The following TOX variants were observed in gnomAD, a reference collection of about 807,000 sequenced individuals.
TOX encodes thymocyte selection-associated high mobility group box protein TOX.
Under a neutral mutation model 53.7 loss-of-function variants are expected in TOX, and 11 were observed. The observed-to-expected ratio is 0.20, with a 90% CI of 0.13 to 0.34. The LOEUF (loss-of-function observed/expected upper bound fraction) is 0.34, where lower values mean the gene tolerates loss of function less well. Among genes scored for constraint, TOX ranks in the 10% least tolerant of loss-of-function variants. The pLI is 1.00. For synonymous variants in TOX, 225 were observed against 245.3 expected, an observed-to-expected ratio of 0.92 and a Z score of 0.77; for missense variants, 570 against 664.6, an observed-to-expected ratio of 0.86 and a Z score of 1.56.
chr8:58,879,508 T>C (rs1040471508), intron 3 of TOX, among the ~76,000 whole-genome samples: 13 of 142,526 alleles, frequency 9.1e-5, no homozygotes, highest in African/African-American at 3.1e-4. Context: ...ACTTGGAGAT[T>C]GTGAAGTAAA....
Position 58,913,702 on chromosome 8 carries a change from C to T in TOX, c.411+25600G>A, listed in dbSNP as rs147514807. Among the ~76,000 whole-genome samples the T allele has an allele frequency of 1.8e-3, 278 of 151,774 alleles. 2 individuals carry two copies. The highest frequency in any genetic ancestry group is 6.4e-3 in the African/African-American group (263 of 41,358). On this transcript the variant is annotated intron_variant, in intron 3 of 8. Coordinates refer to ENST00000361421, the MANE Select transcript of TOX (RefSeq NM_014729.3). ...CATTATGCCTTGAAGCTAGTAGATG[C>T]TTAATAAAAATGCCATATTACTCTT... is the stretch of plus-strand genomic sequence containing the variant.
chr8:59,100,872 A>G (rs975601030), intron 1 of TOX, among the ~76,000 whole-genome samples: 2 of 152,206 alleles, frequency 1.3e-5, no homozygotes, highest in Non-Finnish European at 2.9e-5. Context: ...TTTTTGAATG[A>G]TACCTAGTTC....
At chr8:58,992,471 T>C (rs149787281) in intron 1 of TOX, among the ~76,000 whole-genome samples, 4 of 152,374 alleles carry the variant, frequency 2.6e-5, no homozygotes, top group African/African-American at 9.6e-5. Flanking sequence ...ATGCACGTTT[T>C]AGGTGCCCAA....
chr8:59,093,644 A>T (rs542631911), intron 1 of TOX, among the ~76,000 whole-genome samples: 19 of 152,340 alleles, frequency 1.2e-4, no homozygotes, highest in Non-Finnish European at 1.5e-4. Flanking sequence ...CCTGCAAAGT[A>T]TAAGTTTTTC....
intron 5 of TOX, 121 bp downstream of exon 5, chr8:58,837,960 G>T (rs1465166661): frequency 3.6e-6 from 3 of 842,788 alleles, no homozygotes; most frequent in Non-Finnish European, 5.5e-6. Context: ...GTTCGGATGG[G>T]GACACCTTCT....
intron 2 of TOX, among the ~76,000 whole-genome samples, chr8:58,956,449 G>C (rs114409976): frequency 6.6e-6 from 1 of 152,166 alleles, no homozygotes; most frequent in Non-Finnish European, 1.5e-5. Context: ...TATAGATTTA[G>C]GGTGTACAAC....
chr8:58,867,045 A>G (rs1307243179), intron 3 of TOX, among the ~76,000 whole-genome samples: 2 of 152,230 alleles, frequency 1.3e-5, no homozygotes, highest in Non-Finnish European at 2.9e-5. Context: ...TAGGAGAACA[A>G]GAAGGAATAT....
At chr8:58,864,140 A>G (rs979241763) in intron 3 of TOX, among the ~76,000 whole-genome samples, 2 of 152,178 alleles carry the variant, frequency 1.3e-5, no homozygotes, top group Admixed American at 1.3e-4. Context: ...AAATTGAACA[A>G]AAATAAAACA....
At chr8:58,909,434 A>C (rs1186332696) in intron 3 of TOX, among the ~76,000 whole-genome samples, 1 of 152,240 alleles carries the variant, frequency 6.6e-6, no homozygotes. Flanking sequence ...CTGAATCAGA[A>C]TATGCATTTA....
At chr8:58,991,890 A>G (rs1813456892) in intron 1 of TOX, 1 of 152,310 alleles carries the variant, frequency 6.6e-6, no homozygotes, top group South Asian at 2.1e-4. Flanking sequence ...TGGGAGCAGC[A>G]TGATTTACAG....
In TOX at chr8:59,117,822, A is replaced by C. The variant is rs1033371913; in HGVS notation, c.102+1064T>G. 2.0e-5 allele frequency among the ~76,000 whole-genome samples: 3 copies of C among 152,220 alleles called. No homozygotes were observed. The highest frequency in any genetic ancestry group is 4.4e-5 in the Non-Finnish European group (3 of 68,036). On this transcript the variant is annotated intron_variant, in intron 1 of 8. Transcript: ENST00000361421. This position sits in a 1 kb window ranked among gnomAD's most constrained non-coding sequence, Gnocchi z 4.6. ...GTCTAAAAGGCCCGCCCAGCGTTTT[A>C]GAGAACTCAATTCTCTCTGCCAACG... is the stretch of plus-strand genomic sequence containing the variant.
chr8:58,968,853 CAG>C (rs1280198128), intron 1 of TOX, among the ~76,000 whole-genome samples: 1 of 152,064 alleles, frequency 6.6e-6, no homozygotes, highest in African/African-American at 2.4e-5. Context: ...AAGAGAATGA[CAG>C]ATGTATTAAA....
chr8:59,119,013 T>C lies in TOX; in HGVS notation c.-26A>G, dbSNP rs775755192. 2 of 1,519,528 alleles carry C rather than the reference T, an allele frequency of 1.3e-6. No individual in the cohort carries two copies. The highest frequency in any genetic ancestry group is 1.4e-5 in the African/African-American group (1 of 71,458). The allele number at this position is 1,519,528 out of a possible 1,614,324, so 94.1% of individuals were successfully genotyped here. A position where few individuals can be genotyped will look rare whatever the true frequency, so the allele number is the denominator to read the frequency against. Reference sequence around the variant, plus strand: ...TTCACTCTCACATCAAGCAACTCCTTTTCTTTTTCCTTTTTTAAAAAAAAG... The same window carrying C: ...TTCACTCTCACATCAAGCAACTCCTCTTCTTTTTCCTTTTTTAAAAAAAAG... On this transcript the variant is annotated 5_prime_UTR_variant, in exon 1 of 9. Transcript: ENST00000361421.
At position 59,018,506 on chromosome 8, in the gene TOX, G is replaced by T. The variant is rs543131321; in HGVS notation, c.103-58498C>A. On this transcript the variant is annotated intron_variant, in intron 1 of 8. Transcript: ENST00000361421. ...TGTCACGCTCCAATAGATTAAGTAA[G>T]TTGGGACATGCAAGGTTAAACAAGT... Among the ~76,000 whole-genome samples, 36 of 152,290 alleles carry T rather than the reference G, an allele frequency of 2.4e-4. No individual in the cohort carries two copies. The South Asian group carries it at 6.4e-3, about 27-fold the overall frequency.
chr8:59,088,540 T>C (rs531847749), intron 1 of TOX, among the ~76,000 whole-genome samples: 17 of 152,188 alleles, frequency 1.1e-4, no homozygotes, highest in Non-Finnish European at 2.4e-4. Context: ...GACATCATAG[T>C]CCCTGTTTCT....
At chr8:58,813,914 C>G (rs919897356) in intron 7 of TOX, among the ~76,000 whole-genome samples, 5 of 152,162 alleles carry the variant, frequency 3.3e-5, no homozygotes. Flanking sequence ...GAATGAGATG[C>G]AGCAAGCCTA....
intron 3 of TOX, among the ~76,000 whole-genome samples, chr8:58,889,743 T>C (rs1811529934): frequency 6.6e-6 from 1 of 152,182 alleles, no homozygotes; most frequent in Non-Finnish European, 1.5e-5. Context: ...TGAATTTCTA[T>C]GTCTAAAAGA....
intron 1 of TOX, among the ~76,000 whole-genome samples, chr8:58,966,028 T>A (rs964518979): frequency 2.0e-5 from 3 of 151,176 alleles, no homozygotes; most frequent in Non-Finnish European, 4.4e-5. Context: ...ATACGCATAG[T>A]TGTAATGCTG....
chr8:58,862,406 A>G (rs1181621190), intron 3 of TOX, among the ~76,000 whole-genome samples: 1 of 152,172 alleles, frequency 6.6e-6, no homozygotes, highest in Non-Finnish European at 1.5e-5. Flanking sequence ...TCACTCATTT[A>G]TGGTTTTATA....
Sources: gnomAD v4.1 joint callset for allele counts (sites outside exome capture counted in the v4.1 genomes callset) on GRCh38, gnomAD v4.1.1 for gene constraint, Gnocchi (gnomAD v3.1) non-coding constraint, MANE v1.5 for transcripts, NCBI Gene and HGNC (gene_info 2026-07-23, HGNC 2026-07-21) for gene names.